GRXCR1: variants seen among roughly 807,000 people sequenced by gnomAD.
GRXCR1 encodes glutaredoxin and cysteine rich domain containing 1.
GRXCR1 carries 27 observed loss-of-function variants against 27.3 expected under a neutral mutation model. The observed-to-expected ratio is 0.99, with a 90% CI of 0.73 to 1.37. The LOEUF (loss-of-function observed/expected upper bound fraction) is 1.37. GRXCR1 is among the 40% of genes most tolerant of loss of function. The pLI is 0.00. For missense variants in GRXCR1, 379 were observed against 354.4 expected (o/e 1.07, Z -0.56); for synonymous variants, 122 against 131.1 (o/e 0.93, Z 0.47).
intron 2 of GRXCR1, among the ~76,000 whole-genome samples, chr4:43,007,306 G>A (rs1339411856): frequency 1.3e-5 from 2 of 152,116 alleles, no homozygotes; most frequent in South Asian, 2.1e-4. Flanking sequence ...AGAAGAAAAT[G>A]GAAAGGAAGC....
intron 2 of GRXCR1, among the ~76,000 whole-genome samples, chr4:43,002,238 G>C (rs1333577651): frequency 6.6e-6 from 1 of 152,378 alleles, no homozygotes; most frequent in African/African-American, 2.4e-5. Flanking sequence ...GGGACAGTCA[G>C]GTCTTTCTCA....
intron 1 of GRXCR1, among the ~76,000 whole-genome samples, chr4:42,899,588 C>T (rs1159247101): frequency 6.6e-6 from 1 of 152,040 alleles, no homozygotes. Flanking sequence ...TTAGCTTGCT[C>T]TTGCTTTCTT....
intron 1 of GRXCR1, among the ~76,000 whole-genome samples, chr4:42,953,696 A>T (rs1473034081): frequency 6.6e-6 from 1 of 152,088 alleles, no homozygotes; most frequent in East Asian, 1.9e-4. Context: ...TGTAATTATG[A>T]GGTTAAAGTT....
intron 1 of GRXCR1, among the ~76,000 whole-genome samples, chr4:42,921,299 A>G (rs1382071136): frequency 6.6e-6 from 1 of 152,022 alleles, no homozygotes; most frequent in Non-Finnish European, 1.5e-5. Flanking sequence ...ACCCTCTAGA[A>G]CTCAGAGACA....
chr4:43,017,944 A>T (rs1464039189), intron 2 of GRXCR1, among the ~76,000 whole-genome samples: 1 of 152,170 alleles, frequency 6.6e-6, no homozygotes, highest in Non-Finnish European at 1.5e-5. Flanking sequence ...GCAGATTGAG[A>T]TTTACCCCGA....
chr4:43,019,256 C>A (rs1560690262), intron 2 of GRXCR1, among the ~76,000 whole-genome samples: 1 of 152,136 alleles, frequency 6.6e-6, no homozygotes, highest in East Asian at 1.9e-4. Context: ...TTTCATTCTA[C>A]CCTGTGGGTT....
intron 2 of GRXCR1, among the ~76,000 whole-genome samples, chr4:43,001,429 T>C (rs577854131): frequency 8.5e-5 from 13 of 152,278 alleles, no homozygotes; most frequent in Non-Finnish European, 1.8e-4. Context: ...TCTTGGAAAG[T>C]ATCCAGTTTA....
chr4:42,980,115 G>GATTT (rs1033411909), intron 2 of GRXCR1, among the ~76,000 whole-genome samples: 7 of 151,308 alleles, frequency 4.6e-5, no homozygotes, highest in Non-Finnish European at 1.0e-4. Flanking sequence ...CAGTTTTGTT[G>GATTT]ATTTATTTTT....
At chr4:43,012,970 C>T (rs1470432147) in intron 2 of GRXCR1, among the ~76,000 whole-genome samples, 3 of 152,008 alleles carry the variant, frequency 2.0e-5, no homozygotes, top group Non-Finnish European at 4.4e-5. Flanking sequence ...ATTATCAGAG[C>T]ACAATGAGAT....
chr4:42,969,637 GAAC>G (rs1440396151), intron 2 of GRXCR1, among the ~76,000 whole-genome samples: 1 of 152,074 alleles, frequency 6.6e-6, no homozygotes, highest in Non-Finnish European at 1.5e-5. Flanking sequence ...GCTATCATGA[GAAC>G]AACAACGGGG....
intron 2 of GRXCR1, among the ~76,000 whole-genome samples, chr4:42,968,537 A>C (rs1455594421): frequency 6.6e-6 from 1 of 152,050 alleles, no homozygotes; most frequent in Non-Finnish European, 1.5e-5. Context: ...CATATGCAAA[A>C]TGTACAGAAA....
intron 1 of GRXCR1, among the ~76,000 whole-genome samples, chr4:42,951,045 A>T (rs531397841): frequency 6.6e-6 from 1 of 152,176 alleles, no homozygotes; most frequent in Non-Finnish European, 1.5e-5. Flanking sequence ...CTCAAGATTC[A>T]GGAAATCCAA....
chr4:42,941,320 G>T lies in GRXCR1; in HGVS notation c.385-21572G>T, dbSNP rs139545997. Among the ~76,000 whole-genome samples, 283 of 152,104 alleles carry T rather than the reference G, an allele frequency of 1.9e-3. 1 individual carries two copies. The highest frequency in any genetic ancestry group is 6.7e-3 in the African/African-American group (278 of 41,528). On this transcript the variant is annotated intron_variant, in intron 1 of 3. Coordinates refer to ENST00000399770, the MANE Select transcript of GRXCR1 (RefSeq NM_001080476.3). ...ACTAATGCATAGTTAAAACCAGAAG[G>T]TACTGGAAAAACTCTCTAGGTCAGG...
intron 1 of GRXCR1, among the ~76,000 whole-genome samples, chr4:42,921,591 C>G (rs59911829): frequency 0.087 from 13,144 of 151,804 alleles, 1,001 homozygotes; most frequent in East Asian, 0.35. Flanking sequence ...TGTACTCAGT[C>G]CCTCTCTAAA....
intron 2 of GRXCR1, among the ~76,000 whole-genome samples, chr4:42,995,689 C>T (rs1712133665): frequency 1.3e-5 from 2 of 152,146 alleles, no homozygotes; most frequent in Admixed American, 1.3e-4. Context: ...ATATGTACGC[C>T]ACTCTTTCGG....
At chr4:42,999,148 T>C (rs1468566366) in intron 2 of GRXCR1, among the ~76,000 whole-genome samples, 1 of 152,232 alleles carries the variant, frequency 6.6e-6, no homozygotes, top group Non-Finnish European at 1.5e-5. Flanking sequence ...CAGGCAGGCT[T>C]GCATTCTTAT....
chr4:42,974,103 A>G (rs1242790176), intron 2 of GRXCR1, among the ~76,000 whole-genome samples: 3 of 152,108 alleles, frequency 2.0e-5, no homozygotes, highest in Admixed American at 6.6e-5. Context: ...GAAAGAGTTT[A>G]ATGATTGCAG....
intron 2 of GRXCR1, among the ~76,000 whole-genome samples, chr4:42,989,279 T>G (rs746656225): frequency 1.3e-5 from 2 of 152,158 alleles, no homozygotes; most frequent in Non-Finnish European, 2.9e-5. Context: ...GGTGGCTGCC[T>G]TCTTGGGGTG....
rs188962602 is a variant in GRXCR1 at position 42,967,016 on chromosome 4, T to C, written c.627+3882T>C. On this transcript the variant is annotated intron_variant, in intron 2 of 3. Transcript: ENST00000399770. Reference sequence around the variant, plus strand: ...TTGTCTTTTCGTTCTCTTGACAATGTCTCTTAAGAGCAAAAATTTTTTAAG... The same window carrying C: ...TTGTCTTTTCGTTCTCTTGACAATGCCTCTTAAGAGCAAAAATTTTTTAAG... 7.6e-4 allele frequency among the ~76,000 whole-genome samples: 116 copies of C among 152,212 alleles called. 1 individual carries two copies. Among genetic ancestry groups the C allele is most frequent in the African/African-American group, 2.7e-3 (112 of 41,556 alleles).
Sources: allele counts gnomAD v4.1 joint callset (sites outside exome capture counted in the v4.1 genomes callset), GRCh38; gene constraint gnomAD v4.1.1; transcripts MANE v1.5; gene names NCBI Gene and HGNC (gene_info 2026-07-23, HGNC 2026-07-21).